Variants in PCDHGB6 observed in about 807,000 individuals in gnomAD.
PCDHGB6 encodes the protein protocadherin gamma-B6.
In PCDHGB6, 51 loss-of-function variants were observed where a neutral mutation model predicts 59.1. The observed-to-expected ratio is 0.86, with a 90% confidence interval of 0.69 to 1.09. PCDHGB6 has a LOEUF of 1.09. Ranked by LOEUF, PCDHGB6 falls within the 50% of genes least tolerant of loss-of-function variation. The probability of loss-of-function intolerance (pLI) is 0.00; values close to 1 mark genes in which losing one functional copy is unlikely to be tolerated. For missense variants in PCDHGB6, 1,148 were observed against 1,205.1 expected (o/e 0.95, Z 0.70); for synonymous variants, 466 against 495.1 (o/e 0.94, Z 0.78).
At chr5:141,450,516 C>T (rs150995579) in intron 1 of PCDHGB6, among the ~76,000 whole-genome samples, 2,020 of 152,024 alleles carry the variant, frequency 0.013, 56 homozygotes, top group African/African-American at 0.046. Context: ...GATGGAGTCT[C>T]ATTCTTGTCA....
At chr5:141,457,554 G>A (rs2098924282) in intron 1 of PCDHGB6, among the ~76,000 whole-genome samples, 1 of 152,166 alleles carries the variant, frequency 6.6e-6, no homozygotes, top group Admixed American at 6.5e-5. Flanking sequence ...TGTATGATAA[G>A]CTTTGGAGCA....
intron 1 of PCDHGB6, among the ~76,000 whole-genome samples, chr5:141,455,967 A>T (rs965245893): frequency 2.7e-5 from 4 of 150,838 alleles, no homozygotes; most frequent in Non-Finnish European, 4.4e-5. Flanking sequence ...GCGCGATCTC[A>T]GCTCACTGCA....
At chr5:141,465,467 C>T (rs2099103834) in intron 1 of PCDHGB6, among the ~76,000 whole-genome samples, 1 of 152,178 alleles carries the variant, frequency 6.6e-6, no homozygotes, top group Non-Finnish European at 1.5e-5. Flanking sequence ...CCAAATTGCC[C>T]TTGCTTCATG....
rs764067454 is a variant in PCDHGB6 at position 141,413,998 on chromosome 5, G to C, written c.2418+3378G>C. On this transcript the variant is annotated intron_variant, in intron 1 of 3. Coordinates refer to ENST00000520790, the MANE Select transcript of PCDHGB6 (RefSeq NM_018926.3). Reference sequence around the variant, plus strand: ...GACAGTCACAGCCACCGACAGGGACGAAGGTGCCAATGGAGAAGTGACATA... The same window carrying C: ...GACAGTCACAGCCACCGACAGGGACCAAGGTGCCAATGGAGAAGTGACATA... 29 of 1,613,320 alleles carry C rather than the reference G, an allele frequency of 1.8e-5. No individual in the cohort carries two copies. The Admixed American group carries it at 4.8e-4, about 27-fold the overall frequency.
rs183531575 is a variant in PCDHGB6 at position 141,469,308 on chromosome 5, G to A, written c.2419-25499G>A. Among the ~76,000 whole-genome samples the A allele has an allele frequency of 2.5e-3, 379 of 152,184 alleles. 1 individual carries two copies. The highest frequency in any genetic ancestry group is 5.8e-3 in the South Asian group (28 of 4,814). On this transcript the variant is annotated intron_variant, in intron 1 of 3. Transcript: ENST00000520790. ...TAAAACAAAATAGACTGGGCACGAT[G>A]GCTCACGCCTGTAATCCCACCACTT...
chr5:141,409,714 C>T lies in PCDHGB6; in HGVS notation c.1512C>T (p.Tyr504=), dbSNP rs1053132512. 1 of 1,613,226 alleles carries T rather than the reference C, an allele frequency of 6.2e-7. No individual in the cohort carries two copies. Among genetic ancestry groups the T allele is most frequent in the Non-Finnish European group, 8.5e-7 (1 of 1,179,880 alleles). ...SDLEPLAVSS[Y]VSVSAQSGVV... ...TAGAGCCCCTGGCGGTGTCGTCATACGTGTCAGTGAGCGCGCAGAGCGGGG... is the reference window on the plus strand; with the variant it reads ...TAGAGCCCCTGGCGGTGTCGTCATATGTGTCAGTGAGCGCGCAGAGCGGGG... The change falls in exon 1 of 4, where the codon TAC becomes TAT. Residue 504 remains tyrosine, a synonymous_variant. Transcript: ENST00000520790.
At chr5:141,499,343 G>C (rs1184175548) in intron 2 of PCDHGB6, among the ~76,000 whole-genome samples, 1 of 152,146 alleles carries the variant, frequency 6.6e-6, no homozygotes, top group Non-Finnish European at 1.5e-5. Context: ...AGTTTGGGCA[G>C]TCATTCAACA....
At chr5:141,425,624 G>T (rs1007643604) in intron 1 of PCDHGB6, among the ~76,000 whole-genome samples, 1 of 152,184 alleles carries the variant, frequency 6.6e-6, no homozygotes, top group African/African-American at 2.4e-5. Flanking sequence ...TGCTCCTCCA[G>T]TTTTCTCTGA....
chr5:141,487,919 A>G lies in PCDHGB6; in HGVS notation c.2419-6888A>G, dbSNP rs548678238. ...ATGGAATGTGGGAGCACAGGAGGCTACAGTGCACAGGGTACAGTGCACCAG... is the reference window on the plus strand; with the variant it reads ...ATGGAATGTGGGAGCACAGGAGGCTGCAGTGCACAGGGTACAGTGCACCAG... On this transcript the variant is annotated intron_variant, in intron 1 of 3. Transcript: ENST00000520790. The surrounding 1 kb of genome is among the most constrained non-coding windows in gnomAD (Gnocchi z 5.0). 23 of 644,878 alleles carry G rather than the reference A, an allele frequency of 3.6e-5. No individual in the cohort carries two copies. Among genetic ancestry groups the G allele is most frequent in the Non-Finnish European group, 5.6e-5 (21 of 374,374 alleles). 39.9% of individuals were successfully genotyped at this position (644,878 alleles called of 1,614,324 possible). A position where few individuals can be genotyped will look rare whatever the true frequency, so the allele number is the denominator to read the frequency against.
intron 1 of PCDHGB6, chr5:141,478,344 A>G: frequency 6.2e-7 from 1 of 1,613,882 alleles, no homozygotes; most frequent in Non-Finnish European, 8.5e-7. Context: ...CCCTCCTTGC[A>G]CGCGGACGCC....
intron 1 of PCDHGB6, among the ~76,000 whole-genome samples, chr5:141,457,253 T>C (rs986838327): frequency 1.4e-4 from 22 of 152,196 alleles, no homozygotes; most frequent in Admixed American, 1.4e-3. Flanking sequence ...CTTGCCAACA[T>C]ATAGAATTCC....
Position 141,489,510 on chromosome 5 carries a change from T to A in PCDHGB6, c.2419-5297T>A, listed in dbSNP as rs762210983. 1 of 1,614,124 alleles carries A rather than the reference T, an allele frequency of 6.2e-7. No individual in the cohort carries two copies. The highest frequency in any genetic ancestry group is 1.7e-5 in the Admixed American group (1 of 60,022). On this transcript the variant is annotated intron_variant, in intron 1 of 3. Transcript: ENST00000520790. This position sits in a 1 kb window ranked among gnomAD's most constrained non-coding sequence, Gnocchi z 4.5. Reference sequence around the variant, plus strand: ...GTGCCCTGGCAGTGAATCAAAAGATTGACCGAGAAAGCCTATGTGGAGCCA... The same window carrying A: ...GTGCCCTGGCAGTGAATCAAAAGATAGACCGAGAAAGCCTATGTGGAGCCA...
At chr5:141,500,184 T>A (rs889800014) in intron 2 of PCDHGB6, among the ~76,000 whole-genome samples, 89 of 135,966 alleles carry the variant, frequency 6.5e-4, no homozygotes, top group African/African-American at 2.4e-3. Flanking sequence ...TCATTTTTAT[T>A]TTTATTTATT....
At chr5:141,418,373 C>T (rs936895178) in intron 1 of PCDHGB6, 1 of 1,614,006 alleles carries the variant, frequency 6.2e-7, no homozygotes, top group Non-Finnish European at 8.5e-7. Context: ...CAAATACCAA[C>T]TAAGTCCTAA....
chr5:141,487,633 T>C lies in PCDHGB6; in HGVS notation c.2419-7174T>C. On this transcript the variant is annotated intron_variant, in intron 1 of 3. Transcript: ENST00000520790. The surrounding 1 kb of genome is among the most constrained non-coding windows in gnomAD (Gnocchi z 5.0). ...GGCTAGAGGTGAGACCTTTGCAGGCTCAACAAATGCTTGAGGGTTATTCTG... is the reference window on the plus strand; with the variant it reads ...GGCTAGAGGTGAGACCTTTGCAGGCCCAACAAATGCTTGAGGGTTATTCTG... 3 of 1,614,164 alleles carry C rather than the reference T, an allele frequency of 1.9e-6. No individual in the cohort carries two copies. The highest frequency in any genetic ancestry group is 2.7e-5 in the African/African-American group (2 of 75,052).
rs1322642798 is a variant in PCDHGB6 at position 141,408,377 on chromosome 5, C to T, written c.175C>T (p.Leu59=). 2.5e-6 allele frequency: 4 copies of T among 1,613,902 alleles called. No individual in the cohort carries two copies. The highest frequency in any genetic ancestry group is 3.4e-6 in the Non-Finnish European group (4 of 1,179,876). Residue 59 remains leucine, a synonymous_variant, in exon 1 of 4, where the codon CTG becomes TTG. Transcript: ENST00000520790. The part of the protein sequence containing the change: ...NLAKDLGLSV[L]DVSARKLRVS... The stretch of plus-strand genomic sequence containing the variant: ...CGCTAAGGATCTAGGGCTCAGTGTC[C>T]TGGATGTGTCGGCTCGCAAGCTGCG...
At position 141,408,896 on chromosome 5, in the gene PCDHGB6, G is replaced by A. The variant is rs1441378199; in HGVS notation, c.694G>A (p.Val232Ile). The A allele has an allele frequency of 3.1e-6, 5 of 1,613,328 alleles. No individual in the cohort carries two copies. The highest frequency in any genetic ancestry group is 2.2e-5 in the East Asian group (1 of 44,864). The change falls in exon 1 of 4, where the codon GTC (valine) becomes ATC (isoleucine). Residue 232 changes from valine to isoleucine, a missense_variant. Val to Ile is a conservative substitution (Grantham distance 29). Around this residue, in one of 5 missense-constraint regions of PCDHGB6, gnomAD observed 307 missense variants for 323.8 expected, o/e 0.95. Transcript: ENST00000520790. ...TGCCACCGCTCACATAGAAATTTCT[G>A]TCAAGGATACCAATGATAACCCCCC... is the stretch of plus-strand genomic sequence containing the variant. The part of the protein sequence containing the change: ...RSATAHIEIS[V>I]KDTNDNPPVF...
In PCDHGB6 at chr5:141,489,750, C is replaced by T. The variant is rs753217170; in HGVS notation, c.2419-5057C>T. On this transcript the variant is annotated intron_variant, in intron 1 of 3. Coordinates refer to ENST00000520790, the MANE Select transcript of PCDHGB6 (RefSeq NM_018926.3). The surrounding 1 kb of genome is among the most constrained non-coding windows in gnomAD (Gnocchi z 4.5). ...TGGGCACCAATACTGTGAGCTTTTA[C>T]ACTCTAAGCCCCAACAGCCACTTCT... 1.2e-6 allele frequency: 2 copies of T among 1,614,098 alleles called. No homozygotes were observed. Among genetic ancestry groups the T allele is most frequent in the Admixed American group, 3.3e-5 (2 of 60,022 alleles).
chr5:141,415,893 A>G, intron 1 of PCDHGB6: 2 of 904,826 alleles, frequency 2.2e-6, no homozygotes, highest in Non-Finnish European at 3.0e-6. Flanking sequence ...GACAATTCCT[A>G]AGACAGACTT....
Sources: gnomAD v4.1 joint callset for allele counts (sites outside exome capture counted in the v4.1 genomes callset) on GRCh38, gnomAD v4.1.1 for gene constraint, gnomAD v4.1.1 regional missense constraint, Gnocchi (gnomAD v3.1) non-coding constraint, MANE v1.5 for transcripts, NCBI Gene and HGNC (gene_info 2026-07-23, HGNC 2026-07-21) for gene names.